The following ABCA4 variants were observed in gnomAD, a reference collection of about 807,000 sequenced individuals.
The protein encoded by ABCA4 is retinal-specific phospholipid-transporting ATPase ABCA4.
Under a neutral mutation model 263.7 loss-of-function variants are expected in ABCA4, and 196 were observed. The observed-to-expected ratio is 0.74, with a 90% CI of 0.66 to 0.84. The LOEUF (loss-of-function observed/expected upper bound fraction) is 0.84. Ranked by LOEUF, ABCA4 falls within the 40% of genes least tolerant of loss-of-function variation. The pLI is 0.00. For missense variants in ABCA4, 2,792 were observed against 2,855.1 expected (o/e 0.98, Z 0.50); for synonymous variants, 1,133 against 1,094.2 (o/e 1.04, Z -0.70).
rs377193012 is a variant in ABCA4, at chr1:94,111,563, C to T, written c.177G>A (p.Lys59=). ...GCAGCATTCCTGCTGAGGGCATCGC[C>T]TTGTTGGGGAAATGGCCTTTAAAAC... ...YSHHECHFPN[K]AMPSAGMLPW... is the part of the protein sequence containing the mutation. The change falls in exon 3 of 50, where the codon AAG becomes AAA. Residue 59 remains lysine, a synonymous_variant. Coordinates refer to ENST00000370225, the MANE Select transcript of ABCA4 (RefSeq NM_000350.3). The T allele has an allele frequency of 2.5e-6, 4 of 1,614,096 alleles. No homozygotes were observed. The African/African-American group carries it at 5.3e-5, about 22-fold the overall frequency.
At chr1:94,034,808 T>C (rs1027856327) in intron 26 of ABCA4, among the ~76,000 whole-genome samples, 1 of 152,150 alleles carries the variant, frequency 6.6e-6, no homozygotes, top group Non-Finnish European at 1.5e-5. Context: ...CAATGGATGT[T>C]AAGTGCTTTG....
chr1:94,032,143 A>AT, intron 26 of ABCA4, 100 bp from the exon 27 acceptor site: 1 of 1,442,930 alleles, frequency 6.9e-7, no homozygotes, highest in South Asian at 1.2e-5. Flanking sequence ...TTTCCTCTTC[A>AT]TTTAAGTCAG....
At chr1:94,036,366 A>C (rs1660335060) in intron 26 of ABCA4, among the ~76,000 whole-genome samples, 1 of 148,340 alleles carries the variant, frequency 6.7e-6, no homozygotes, top group Non-Finnish European at 1.5e-5. Flanking sequence ...TTGTTTCATG[A>C]CTTTTTCCTT....
chr1:94,091,422 T>C (rs1238477005), intron 6 of ABCA4, among the ~76,000 whole-genome samples: 1 of 152,128 alleles, frequency 6.6e-6, no homozygotes, highest in Non-Finnish European at 1.5e-5. Context: ...TTCCCAGGGC[T>C]CTCCTCTTCT....
At chr1:94,109,325 T>C (rs1570431490) in intron 3 of ABCA4, among the ~76,000 whole-genome samples, 1 of 151,932 alleles carries the variant, frequency 6.6e-6, no homozygotes, top group Non-Finnish European at 1.5e-5. Context: ...CACTGGAGGG[T>C]TTATCCAGTT....
intron 6 of ABCA4, among the ~76,000 whole-genome samples, chr1:94,093,629 ATTTC>A (rs1315422987): frequency 1.2e-4 from 15 of 126,078 alleles, no homozygotes; most frequent in African/African-American, 4.4e-4. Flanking sequence ...ACTTCTCAGT[ATTTC>A]TTTCTTTGTA....
rs115862463 is a variant in ABCA4 at position 94,067,050 on chromosome 1, C to A, written c.1555-3733G>T. 8.8e-3 allele frequency among the ~76,000 whole-genome samples: 1,339 copies of A among 152,208 alleles called. 18 individuals carry two copies. The highest frequency in any genetic ancestry group is 0.031 in the African/African-American group (1,278 of 41,508). On this transcript the variant is annotated intron_variant, in intron 11 of 49. Transcript: ENST00000370225. ...GGGGCCGTGGCTTGTTCGCCGTGGT[C>A]TCTAGAATAGCATTTTGTCATGATA...
chr1:94,005,943 T>C (rs1026108850), intron 43 of ABCA4, among the ~76,000 whole-genome samples: 6 of 152,322 alleles, frequency 3.9e-5, no homozygotes, highest in Middle Eastern at 3.4e-3. Context: ...GGGAAGTAAC[T>C]AGAAAAGATG....
intron 49 of ABCA4, 26 bp from the exon 50 acceptor site, chr1:93,993,268 G>A (rs767876749): frequency 1.2e-5 from 19 of 1,613,740 alleles, no homozygotes; most frequent in Admixed American, 3.3e-5. Context: ...ACATGGACTC[G>A]CGTCATCTTG....
chr1:94,106,838 G>A (rs932864378), intron 4 of ABCA4, among the ~76,000 whole-genome samples: 4 of 152,108 alleles, frequency 2.6e-5, no homozygotes, highest in Admixed American at 1.3e-4. Context: ...TGACTCTCCT[G>A]TGCTCCTGAA....
At chr1:94,016,409 A>G (rs1233463573) in intron 36 of ABCA4, among the ~76,000 whole-genome samples, 2 of 152,130 alleles carry the variant, frequency 1.3e-5, no homozygotes, top group South Asian at 4.1e-4. Flanking sequence ...TGAGAAAGAT[A>G]TCCTTACAGG....
chr1:94,079,598 T>C (rs1318726369), intron 8 of ABCA4, 137 bp from the exon 9 acceptor site: 7 of 1,277,476 alleles, frequency 5.5e-6, no homozygotes, highest in East Asian at 2.4e-5. Context: ...ATTAATAGGC[T>C]GTACCCCACC....
rs531580351 is a variant in ABCA4, at chr1:93,999,512, G to C, written c.6479+1324C>G. 1.3e-4 allele frequency among the ~76,000 whole-genome samples: 19 copies of C among 149,956 alleles called. No individual in the cohort carries two copies. In the South Asian group the frequency reaches 4.0e-3, roughly 31 times the overall value. On this transcript the variant is annotated intron_variant, in intron 47 of 49. Transcript: ENST00000370225. ...TTCCTGAAACAATGGAGCTGCTAGG[G>C]CTTGGGCCATTGGTGCTTTCTTTCT...
intron 17 of ABCA4, among the ~76,000 whole-genome samples, chr1:94,049,382 T>C (rs1660773549): frequency 6.6e-6 from 1 of 152,142 alleles, no homozygotes; most frequent in South Asian, 2.1e-4. Flanking sequence ...TCCCAGCACT[T>C]TGGGAGGCCA....
chr1:94,019,537 C>T, intron 36 of ABCA4, 45 bp downstream of exon 36: 1 of 1,554,308 alleles, frequency 6.4e-7, no homozygotes. Flanking sequence ...CAAGCTCCAC[C>T]TTGGGCCCAC....
intron 35 of ABCA4, among the ~76,000 whole-genome samples, 199 bp from the exon 36 acceptor site, chr1:94,019,958 T>C (rs1399627047): frequency 6.6e-6 from 1 of 152,200 alleles, no homozygotes; most frequent in Non-Finnish European, 1.5e-5. Context: ...TATTTGCGGG[T>C]TGCCTTTCTA....
intron 32 of ABCA4, among the ~76,000 whole-genome samples, chr1:94,022,975 C>T (rs1659941508): frequency 6.6e-6 from 1 of 152,314 alleles, no homozygotes; most frequent in African/African-American, 2.4e-5. Flanking sequence ...ATTTCAACCT[C>T]CAGGATGCCT....
At chr1:94,056,479 CT>C in intron 15 of ABCA4, 121 bp downstream of exon 15, 3 of 1,125,078 alleles carry the variant, frequency 2.7e-6, no homozygotes, top group Non-Finnish European at 3.9e-6. Flanking sequence ...CTCACGTGAA[CT>C]TTTTAACCTT....
rs1156983103 is a variant in ABCA4, at chr1:94,063,214, A to T, written c.1658T>A (p.Phe553Tyr). 6.2e-7 allele frequency: 1 copy of T among 1,614,122 alleles called. No homozygotes were observed. The highest frequency in any genetic ancestry group is 8.5e-7 in the Non-Finnish European group (1 of 1,179,984). The change falls in exon 12 of 50, where the codon TTC becomes TAC. Residue 553 changes from phenylalanine (F) to tyrosine (Y), a missense_variant. By Grantham distance (22) the Phe-to-Tyr change is conservative. Transcript: ENST00000370225. ...GCTGGTCCAGGGATACATGTCAGGGAATACCACTCCGGCCCAGAACATGTT... is the reference window on the plus strand; with the variant it reads ...GCTGGTCCAGGGATACATGTCAGGGTATACCACTCCGGCCCAGAACATGTT... ...EENMFWAGVVFPDMYPWTSSL... is the reference protein window; with the variant it reads ...EENMFWAGVVYPDMYPWTSSL...
Sources: gnomAD v4.1 joint callset for allele counts (sites outside exome capture counted in the v4.1 genomes callset) on GRCh38, gnomAD v4.1.1 for gene constraint, MANE v1.5 for transcripts, NCBI Gene and HGNC (gene_info 2026-07-23, HGNC 2026-07-21) for gene names.